ATP8A2: variants seen among roughly 807,000 people sequenced by gnomAD.
ATP8A2 encodes the protein ATPase phospholipid transporting 8A2.
ATP8A2 carries 100 observed loss-of-function variants against 165.6 expected under a neutral mutation model. That is an observed-to-expected ratio of 0.60 (90% CI 0.51 to 0.71). ATP8A2 has a LOEUF of 0.71. ATP8A2 is among the 30% of genes least tolerant of loss of function. The probability of loss-of-function intolerance (pLI) is 0.00; values close to 1 mark genes in which losing one functional copy is unlikely to be tolerated. For synonymous variants in ATP8A2, 543 were observed against 548.8 expected (o/e 0.99, Z 0.15); for missense variants, 1,227 against 1,479.5 (o/e 0.83, Z 2.80).
At chr13:25,426,455 A>G (rs189151242) in intron 1 of ATP8A2, among the ~76,000 whole-genome samples, 2 of 152,290 alleles carry the variant, frequency 1.3e-5, no homozygotes, top group African/African-American at 4.8e-5. Context: ...TCCACCTCCA[A>G]CACTGGGGAT....
chr13:25,764,378 A>T (rs1178801671), intron 25 of ATP8A2, among the ~76,000 whole-genome samples: 1 of 152,190 alleles, frequency 6.6e-6, no homozygotes, highest in Non-Finnish European at 1.5e-5. Context: ...AAGAAAGGGG[A>T]TAAGATTCAG....
chr13:25,625,377 A>C (rs1415951827), intron 24 of ATP8A2, among the ~76,000 whole-genome samples: 2 of 152,260 alleles, frequency 1.3e-5, no homozygotes, highest in African/African-American at 4.8e-5. Context: ...CTTTATGTCC[A>C]AAGCTTCCAC....
At chr13:25,652,893 C>T (rs570057406) in intron 24 of ATP8A2, among the ~76,000 whole-genome samples, 1 of 152,304 alleles carries the variant, frequency 6.6e-6, no homozygotes. Context: ...CACACTCCCA[C>T]CTGTACCTAA....
In ATP8A2 at chr13:25,931,151, A is replaced by G. The variant is rs138547297; in HGVS notation, c.3184-30424A>G. Among the ~76,000 whole-genome samples, 339 of 152,238 alleles carry G rather than the reference A, an allele frequency of 2.2e-3. 1 individual carries two copies. The highest frequency in any genetic ancestry group is 7.8e-3 in the African/African-American group (325 of 41,534). ...CCTGACAGGACGCCACGGGTGGACAATTCCACACCTGGGCTGATGTGCTGA... is the reference window on the plus strand; with the variant it reads ...CCTGACAGGACGCCACGGGTGGACAGTTCCACACCTGGGCTGATGTGCTGA... On this transcript the variant is annotated intron_variant, in intron 33 of 36. Coordinates refer to ENST00000381655, the MANE Select transcript of ATP8A2 (RefSeq NM_016529.6).
At chr13:25,650,314 G>T (rs1230013955) in intron 24 of ATP8A2, among the ~76,000 whole-genome samples, 1 of 152,180 alleles carries the variant, frequency 6.6e-6, no homozygotes, top group East Asian at 1.9e-4. Context: ...GGGTAGGGGG[G>T]TAGTGAAACC....
intron 25 of ATP8A2, among the ~76,000 whole-genome samples, chr13:25,757,223 G>C (rs994684801): frequency 4.6e-5 from 7 of 152,146 alleles, no homozygotes; most frequent in Non-Finnish European, 8.8e-5. Flanking sequence ...CACAGAATCT[G>C]GTCTGGACCT....
intron 25 of ATP8A2, among the ~76,000 whole-genome samples, chr13:25,730,070 G>GCCCAC (rs143897030): frequency 0.085 from 12,880 of 152,142 alleles, 1,433 homozygotes; most frequent in East Asian, 0.24. Flanking sequence ...TGGGCAGATT[G>GCCCAC]CTTGAACCCA....
In ATP8A2 at chr13:25,400,422, G is replaced by A. The variant is rs117894900; in HGVS notation, c.76+28134G>A. Among the ~76,000 whole-genome samples the A allele has an allele frequency of 1.9e-3, 295 of 151,884 alleles. 1 individual carries two copies. The highest frequency in any genetic ancestry group is 6.8e-3 in the Admixed American group (104 of 15,242). ...TTTTATATATTTATGGGGTACATGC[G>A]AGTGTTTGTTACCTGCATAGAATGT... is the stretch of plus-strand genomic sequence containing the variant. On this transcript the variant is annotated intron_variant, in intron 1 of 36. Transcript: ENST00000381655.
At chr13:25,564,403 C>A (rs1427253477) in intron 16 of ATP8A2, among the ~76,000 whole-genome samples, 1 of 152,092 alleles carries the variant, frequency 6.6e-6, no homozygotes, top group African/African-American at 2.4e-5. Flanking sequence ...CTTTAGGAAA[C>A]AAAAGTAAGA....
rs149921219 is a variant in ATP8A2 at position 25,606,077 on chromosome 13, G to C, written c.2211+16378G>C. On this transcript the variant is annotated intron_variant, in intron 24 of 36. Transcript: ENST00000381655. ...GTTCTGCACGGGTAATATAAATGTT[G>C]GAAATGTGGGTATTTTCTCAGTGTT... is the stretch of plus-strand genomic sequence containing the variant. Among the ~76,000 whole-genome samples the C allele has an allele frequency of 5.3e-3, 805 of 152,244 alleles. 9 individuals are homozygous for C. The highest frequency in any genetic ancestry group is 0.021 in the South Asian group (99 of 4,828).
intron 1 of ATP8A2, among the ~76,000 whole-genome samples, chr13:25,406,863 G>C (rs528216011): frequency 6.6e-6 from 1 of 152,316 alleles, no homozygotes; most frequent in African/African-American, 2.4e-5. Context: ...TCAAGCGGTG[G>C]CTTTCATGTG....
intron 25 of ATP8A2, among the ~76,000 whole-genome samples, chr13:25,739,275 A>T (rs927476823): frequency 2.0e-5 from 3 of 152,230 alleles, no homozygotes; most frequent in African/African-American, 7.2e-5. Flanking sequence ...CTGTCTGCTC[A>T]TCAGGGGCTT....
At chr13:25,518,486 C>A (rs1156431533) in intron 2 of ATP8A2, among the ~76,000 whole-genome samples, 1 of 152,214 alleles carries the variant, frequency 6.6e-6, no homozygotes, top group Non-Finnish European at 1.5e-5. Flanking sequence ...TGTCTTTACA[C>A]CTTAACATGG....
chr13:26,023,005 T>C lies in ATP8A2; in HGVS notation c.*3020T>C, dbSNP rs1360245509. ...TGCAAAAGGAAGAGACCAGTTGTAC[T>C]GTGGGCTTAGTTCTGGGTTTCCACT... On this transcript the variant is annotated 3_prime_UTR_variant, in exon 37 of 37. Transcript: ENST00000381655. 6.6e-6 allele frequency: 1 copy of C among 152,294 alleles called. No individual in the cohort carries two copies. The highest frequency in any genetic ancestry group is 6.5e-5 in the Admixed American group (1 of 15,282). The allele number at this position is 152,294 out of a possible 1,614,324, so 9.4% of individuals were successfully genotyped here.
intron 16 of ATP8A2, chr13:25,567,163 G>T: frequency 3.0e-6 from 1 of 338,464 alleles, no homozygotes; most frequent in South Asian, 2.3e-5. Context: ...ACTCTCACAG[G>T]TGTTCTTTCC....
intron 2 of ATP8A2, among the ~76,000 whole-genome samples, chr13:25,486,913 C>T (rs921670414): frequency 6.6e-6 from 1 of 152,154 alleles, no homozygotes. Flanking sequence ...TTAAAGTGAG[C>T]TGAGATTGCA....
chr13:25,570,793 C>T lies in ATP8A2; in HGVS notation c.1500C>T (p.Phe500=), dbSNP rs896842973. Residue 500 remains phenylalanine, a synonymous_variant, in exon 17 of 37, where the codon TTC becomes TTT. Transcript: ENST00000381655. The part of the protein sequence containing the change: ...RHPTAPCIQE[F]LTLLAVCHTV... ...CCACAGCCCCTTGCATTCAGGAGTT[C>T]CTCACCCTTCTGGCCGTGTGCCACA... 5.0e-6 allele frequency: 8 copies of T among 1,613,716 alleles called. No individual in the cohort carries two copies. The African/African-American group carries it at 1.1e-4, about 22-fold the overall frequency.
rs76203851 is a variant in ATP8A2, at chr13:26,004,458, G to A, written c.3378-8073G>A. 1.4e-4 allele frequency among the ~76,000 whole-genome samples: 21 copies of A among 152,202 alleles called. No homozygotes were observed. The East Asian group carries it at 4.0e-3, about 29-fold the overall frequency. On this transcript the variant is annotated intron_variant, in intron 35 of 36. Transcript: ENST00000381655. ...ATAGCATTATGTGTACCAACAAACA[G>A]AGATAATTTTGCTTTTTTCTTTCCT...
chr13:25,972,771 T>G (rs1955944381), intron 35 of ATP8A2, among the ~76,000 whole-genome samples: 1 of 152,210 alleles, frequency 6.6e-6, no homozygotes, highest in South Asian at 2.1e-4. Flanking sequence ...CATGCAAATT[T>G]CTTTCCTGGT....
Sources: gnomAD v4.1 joint callset for allele counts (sites outside exome capture counted in the v4.1 genomes callset) on GRCh38, gnomAD v4.1.1 for gene constraint, MANE v1.5 for transcripts, NCBI Gene and HGNC (gene_info 2026-07-23, HGNC 2026-07-21) for gene names.